DOCK11: variants seen among roughly 807,000 people sequenced by gnomAD.
DOCK11 encodes the protein dedicator of cytokinesis 11.
A neutral mutation model predicts 169.1 loss-of-function variants in DOCK11; 70 were observed. That is an observed-to-expected ratio of 0.41 (90% CI 0.34 to 0.51). The LOEUF (loss-of-function observed/expected upper bound fraction) is 0.51. Among genes scored for constraint, DOCK11 ranks in the 20% least tolerant of loss-of-function variants. The probability of loss-of-function intolerance (pLI) is 0.10; values close to 1 mark genes in which losing one functional copy is unlikely to be tolerated. For missense variants in DOCK11, 1,166 were observed against 1,538.8 expected (o/e 0.76, Z 4.05); for synonymous variants, 529 against 541.3 (o/e 0.98, Z 0.32).
Position 118,626,467 on chromosome X carries a change from T to C in DOCK11, c.3589-1037T>C, listed in dbSNP as rs184193787. Reference sequence around the variant, plus strand: ...TACAATGTCCAAATTATACACTTTATAGTCTGCCCAGTGGACTGTTAACTT... The same window carrying C: ...TACAATGTCCAAATTATACACTTTACAGTCTGCCCAGTGGACTGTTAACTT... On this transcript the variant is annotated intron_variant, in intron 32 of 52. Coordinates refer to ENST00000276202, the MANE Select transcript of DOCK11 (RefSeq NM_144658.4). Among the ~76,000 whole-genome samples the C allele has an allele frequency of 2.5e-4, 28 of 112,051 alleles. No homozygotes were observed. The East Asian group carries it at 7.9e-3, about 31-fold the overall frequency.
At position 118,676,580 on chromosome X, in the gene DOCK11, C is replaced by T. The variant is rs1304607220; in HGVS notation, c.5314-11C>T. On this transcript the variant is annotated splice_polypyrimidine_tract_variant and intron_variant, in intron 47 of 52. Coordinates refer to ENST00000276202, the MANE Select transcript of DOCK11 (RefSeq NM_144658.4). ...TATTTATAAGTTATTATTTGTTTAA[C>T]TTTATAATAGTCTTTTTTTGAAGAA... 2 of 1,064,474 alleles carry T rather than the reference C, an allele frequency of 1.9e-6. No individual in the cohort carries two copies. Among genetic ancestry groups the T allele is most frequent in the Non-Finnish European group, 1.3e-6 (1 of 797,629 alleles). The allele number at this position is 1,064,474 out of a possible 1,213,427, so 87.7% of individuals were successfully genotyped here.
At chrX:118,656,026 A>C (rs2016059090) in intron 44 of DOCK11, among the ~76,000 whole-genome samples, 1 of 111,467 alleles carries the variant, frequency 9.0e-6, no homozygotes, top group Admixed American at 9.6e-5. Flanking sequence ...GTGGTGACTC[A>C]GACCTGTAAT....
chrX:118,604,883 TTAG>T (rs1332158097), intron 23 of DOCK11, among the ~76,000 whole-genome samples: 1 of 111,097 alleles, frequency 9.0e-6, no homozygotes, highest in Non-Finnish European at 1.9e-5. Flanking sequence ...TGCCTGGGGG[TTAG>T]TAGATGCATC....
At chrX:118,669,160 T>C (rs1404081699) in intron 45 of DOCK11, among the ~76,000 whole-genome samples, 1 of 111,473 alleles carries the variant, frequency 9.0e-6, no homozygotes, top group Non-Finnish European at 1.9e-5. Flanking sequence ...GGGCTAAGAC[T>C]GGAGGCAGGA....
chrX:118,612,149 C>T (rs1445093794), intron 28 of DOCK11, among the ~76,000 whole-genome samples: 1 of 112,017 alleles, frequency 8.9e-6, no homozygotes, highest in African/African-American at 3.2e-5. Context: ...CAAAACTCTT[C>T]ATATTAAGAA....
intron 1 of DOCK11, among the ~76,000 whole-genome samples, chrX:118,533,005 T>A (rs977202526): frequency 8.1e-5 from 9 of 111,243 alleles, no homozygotes; most frequent in African/African-American, 2.9e-4. Flanking sequence ...TGTTATTAAT[T>A]TTTGAGATGG....
intron 41 of DOCK11, 84 bp downstream of exon 41, chrX:118,649,211 G>A: frequency 2.5e-6 from 2 of 803,442 alleles, no homozygotes; most frequent in Non-Finnish European, 3.4e-6. Context: ...ACCCAATCCA[G>A]TCCAATACAA....
At chrX:118,521,448 T>A (rs1267406451) in intron 1 of DOCK11, among the ~76,000 whole-genome samples, 3 of 112,572 alleles carry the variant, frequency 2.7e-5, no homozygotes, top group African/African-American at 9.7e-5. Context: ...AACCATTAGT[T>A]CTAGACTGAC....
chrX:118,648,053 A>AT (rs1249072903), intron 40 of DOCK11, among the ~76,000 whole-genome samples: 3 of 65,725 alleles, frequency 4.6e-5, no homozygotes, highest in Non-Finnish European at 7.6e-5. Context: ...ATAATATATA[A>AT]TATATAATAT....
intron 19 of DOCK11, among the ~76,000 whole-genome samples, chrX:118,590,712 A>G (rs945791942): frequency 3.6e-5 from 4 of 112,080 alleles, no homozygotes; most frequent in African/African-American, 1.3e-4. Context: ...TTTACACAGT[A>G]GGGTGCAGCC....
intron 1 of DOCK11, among the ~76,000 whole-genome samples, chrX:118,539,501 G>GT (rs1355421145): frequency 9.0e-6 from 1 of 110,898 alleles, no homozygotes; most frequent in Non-Finnish European, 1.9e-5. Flanking sequence ...AATAAGTTTG[G>GT]TTTTTTTGAG....
chrX:118,643,563 T>G lies in DOCK11; in HGVS notation c.4367T>G (p.Val1456Gly). Residue 1456 changes from valine to glycine, a missense_variant, in exon 40 of 53, where the codon GTA becomes GGA. Coordinates refer to ENST00000276202, the MANE Select transcript of DOCK11 (RefSeq NM_144658.4). ...NGQSEVSLKHVFASLRAFISK... is the reference protein window; with the variant it reads ...NGQSEVSLKHGFASLRAFISK... ...CAATCTGAAGTGTCGCTGAAACATG[T>G]ATTTGCCTCACTGAGAGCTTTCATC... 3 of 1,211,331 alleles carry G rather than the reference T, an allele frequency of 2.5e-6. No individual in the cohort carries two copies. Among genetic ancestry groups the G allele is most frequent in the Non-Finnish European group, 3.4e-6 (3 of 895,250 alleles).
chrX:118,614,706 A>G lies in DOCK11; in HGVS notation c.3111A>G (p.Leu1037=). ...LASFLKRCLT[L]MDRGFIFNLI... is the part of the protein sequence containing the mutation. ...GGTTTCTATAGCGCTGTTTGACACT[A>G]ATGGATAGAGGATTTATTTTCAATT... The change falls in exon 29 of 53, where the codon CTA becomes CTG. Residue 1037 remains leucine, a synonymous_variant. Coordinates refer to ENST00000276202, the MANE Select transcript of DOCK11 (RefSeq NM_144658.4). 1 of 1,189,566 alleles carries G rather than the reference A, an allele frequency of 8.4e-7. No individual in the cohort carries two copies. The highest frequency in any genetic ancestry group is 1.1e-6 in the Non-Finnish European group (1 of 877,774).
At chrX:118,662,581 CA>C in intron 44 of DOCK11, 104 bp from the exon 45 acceptor site, 6 of 425,533 alleles carry the variant, frequency 1.4e-5, no homozygotes, top group Non-Finnish European at 2.4e-5. Context: ...TTGATTCTTA[CA>C]AAAATAATGT....
In DOCK11 at chrX:118,503,074, C is replaced by CTTTTTT. The variant is rs767017269; in HGVS notation, c.102+7012_102+7017dup. ...TAGTTCTGGAGAGAGATAACAAAGG[C>CTTTTTT]TTTTTTTTTTTTTTTTGAAATGGAG... is the stretch of plus-strand genomic sequence containing the variant. On this transcript the variant is annotated intron_variant, in intron 1 of 52. Coordinates refer to ENST00000276202, the MANE Select transcript of DOCK11 (RefSeq NM_144658.4). Among the ~76,000 whole-genome samples the CTTTTTT allele has an allele frequency of 8.8e-5, 8 of 90,783 alleles. 2 individuals carry two copies. The highest frequency in any genetic ancestry group is 1.3e-4 in the African/African-American group (3 of 23,846). 78.8% of individuals were successfully genotyped at this position (90,783 alleles called of 115,157 possible).
At chrX:118,645,886 A>T (rs2015646277) in intron 40 of DOCK11, among the ~76,000 whole-genome samples, 2 of 62,275 alleles carry the variant, frequency 3.2e-5, no homozygotes, top group Non-Finnish European at 6.5e-5. Flanking sequence ...GTCTCTAGTT[A>T]AAAAAAAAAA....
intron 19 of DOCK11, among the ~76,000 whole-genome samples, chrX:118,590,751 A>C (rs1293659656): frequency 8.9e-6 from 1 of 112,329 alleles, no homozygotes; most frequent in Non-Finnish European, 1.9e-5. Context: ...TAGGAAAGAC[A>C]GGGATACAGC....
In DOCK11 at chrX:118,686,005, G is replaced by C. The variant is rs983111415; in HGVS notation, c.*198G>C. On this transcript the variant is annotated 3_prime_UTR_variant, in exon 53 of 53. Coordinates refer to ENST00000276202, the MANE Select transcript of DOCK11 (RefSeq NM_144658.4). ...CCTGGAAAATTGCACCACTGTGCTT[G>C]GTTTGTACTTTTTTAGGTAAATCTA... 3.9e-5 allele frequency: 16 copies of C among 409,822 alleles called. No homozygotes were observed. The African/African-American group carries it at 4.1e-4, about 10-fold the overall frequency. The allele number at this position is 409,822 out of a possible 1,213,427, so 33.8% of individuals were successfully genotyped here.
At chrX:118,568,332 A>G (rs2013143084) in intron 10 of DOCK11, among the ~76,000 whole-genome samples, 170 bp downstream of exon 10, 1 of 95,143 alleles carries the variant, frequency 1.1e-5, no homozygotes, top group Admixed American at 1.2e-4. Context: ...CTCTTCACTC[A>G]AGGGGACTGT....
Sources: gnomAD v4.1 joint callset for allele counts (sites outside exome capture counted in the v4.1 genomes callset) on GRCh38, gnomAD v4.1.1 for gene constraint, MANE v1.5 for transcripts, NCBI Gene and HGNC (gene_info 2026-07-23, HGNC 2026-07-21) for gene names.